The following CCDC171 variants were observed in gnomAD, a reference collection of about 807,000 sequenced individuals.
CCDC171 encodes the protein coiled-coil domain containing 171.
In CCDC171, 177 loss-of-function variants were observed where a neutral mutation model predicts 168.2. The observed-to-expected ratio is 1.05, with a 90% confidence interval of 0.93 to 1.19. CCDC171 has a LOEUF of 1.19. CCDC171 is among the 50% of genes most tolerant of loss of function. CCDC171 has a pLI of 0.00. For synonymous variants in CCDC171, 687 were observed against 540.8 expected (o/e 1.27, Z -3.75); for missense variants, 1,991 against 1,539.0 (o/e 1.29, Z -4.91).
intron 8 of CCDC171, among the ~76,000 whole-genome samples, chr9:15,661,405 C>G (rs2048315052): frequency 6.6e-6 from 1 of 151,760 alleles, no homozygotes; most frequent in South Asian, 2.1e-4. Context: ...TGATACATCC[C>G]TGGGAATATA....
chr9:15,691,983 C>T (rs1224521019), intron 10 of CCDC171, among the ~76,000 whole-genome samples: 1 of 152,158 alleles, frequency 6.6e-6, no homozygotes, highest in Non-Finnish European at 1.5e-5. Context: ...CTTTCACTGA[C>T]CTGTGAGTCT....
chr9:16,039,776 A>G (rs1213680960), upstream of CCDC171, among the ~76,000 whole-genome samples: 1 of 152,134 alleles, frequency 6.6e-6, no homozygotes, highest in Non-Finnish European at 1.5e-5. Flanking sequence ...ACTCAGTCAC[A>G]TGGCCCCCCT....
chr9:16,078,802 T>A, the CCDC171 span, among the ~76,000 whole-genome samples: 11 of 152,248 alleles, frequency 7.2e-5, no homozygotes, highest in Middle Eastern at 3.4e-3. Context: ...AAGGGTAAGA[T>A]GAGATGAAGG....
chr9:15,873,812 A>T (rs1253489218), intron 23 of CCDC171, among the ~76,000 whole-genome samples: 1 of 152,112 alleles, frequency 6.6e-6, no homozygotes, highest in Non-Finnish European at 1.5e-5. Flanking sequence ...TGACTAGAGA[A>T]TTGGTGTTTT....
chr9:16,057,830 G>T (rs189214159), intron 1 of CCDC171, among the ~76,000 whole-genome samples: 1 of 152,150 alleles, frequency 6.6e-6, no homozygotes, highest in Non-Finnish European at 1.5e-5. Flanking sequence ...CAGTGGACAC[G>T]GCATCAGAGA....
At chr9:16,007,352 G>A (rs971069808) in intron 3 of CCDC171, among the ~76,000 whole-genome samples, 1 of 152,038 alleles carries the variant, frequency 6.6e-6, no homozygotes, top group Non-Finnish European at 1.5e-5. Context: ...AGATGAGTAG[G>A]TTGCAAAAGT....
At chr9:15,588,924 A>G (rs1400759832) in intron 4 of CCDC171, among the ~76,000 whole-genome samples, 1 of 151,554 alleles carries the variant, frequency 6.6e-6, no homozygotes, top group Non-Finnish European at 1.5e-5. Flanking sequence ...GTTAGCCAGG[A>G]TGGTCTCGAT....
chr9:15,633,501 A>G (rs1393267808), intron 7 of CCDC171, among the ~76,000 whole-genome samples: 3 of 152,176 alleles, frequency 2.0e-5, no homozygotes, highest in Admixed American at 6.5e-5. Flanking sequence ...TTAGAATGGC[A>G]ATCATTAAAA....
intron 2 of CCDC171, among the ~76,000 whole-genome samples, chr9:15,567,462 A>G (rs959543397): frequency 3.3e-5 from 5 of 152,080 alleles, no homozygotes; most frequent in Non-Finnish European, 7.4e-5. Flanking sequence ...TCAGCTTTTC[A>G]GTTTCTGCAA....
At chr9:15,719,397 TG>T (rs1386065975) in intron 11 of CCDC171, among the ~76,000 whole-genome samples, 38 of 10,046 alleles carry the variant, frequency 3.8e-3, no homozygotes, top group African/African-American at 0.014. Flanking sequence ...GGCGGGGGGG[TG>T]GGGGGCGGGG....
intron 25 of CCDC171, among the ~76,000 whole-genome samples, chr9:15,936,113 A>T (rs529336254): frequency 6.6e-6 from 1 of 152,086 alleles, no homozygotes; most frequent in Non-Finnish European, 1.5e-5. Flanking sequence ...TAGAAGCACA[A>T]GACTAGTGTT....
At chr9:15,648,260 A>C (rs1277091289) in intron 7 of CCDC171, among the ~76,000 whole-genome samples, 1 of 152,188 alleles carries the variant, frequency 6.6e-6, no homozygotes, top group Admixed American at 6.5e-5. Context: ...AAATAATAAG[A>C]GCTATCTGTG....
intron 23 of CCDC171, among the ~76,000 whole-genome samples, chr9:15,868,328 C>T (rs1231293887): frequency 6.6e-6 from 1 of 152,040 alleles, no homozygotes; most frequent in Non-Finnish European, 1.5e-5. Flanking sequence ...GTCAAGGTCT[C>T]TTTCCAGTAG....
chr9:16,062,823 G>A (rs1833949753), downstream of CCDC171, among the ~76,000 whole-genome samples: 1 of 152,164 alleles, frequency 6.6e-6, no homozygotes, highest in Non-Finnish European at 1.5e-5. Flanking sequence ...CGAATTAATT[G>A]TACTTGGAGA....
chr9:16,102,356 G>A, the CCDC171 span, among the ~76,000 whole-genome samples: 1 of 152,060 alleles, frequency 6.6e-6, no homozygotes, highest in Non-Finnish European at 1.5e-5. Flanking sequence ...GGATTGCGGG[G>A]GATGAGCTTG....
At chr9:15,983,229 CT>C (rs1831862049) in intron 3 of CCDC171, among the ~76,000 whole-genome samples, 2 of 152,076 alleles carry the variant, frequency 1.3e-5, no homozygotes, top group Admixed American at 6.6e-5. Flanking sequence ...CCTGCTTAAT[CT>C]TTTTCCCCAG....
intron 7 of CCDC171, among the ~76,000 whole-genome samples, chr9:15,632,757 C>T (rs555730682): frequency 5.9e-5 from 9 of 152,300 alleles, no homozygotes; most frequent in Non-Finnish European, 1.2e-4. Context: ...CATCATGCTA[C>T]CTGACTTCAA....
chr9:16,055,779 C>T (rs1464960634), intron 1 of CCDC171, among the ~76,000 whole-genome samples: 1 of 152,200 alleles, frequency 6.6e-6, no homozygotes, highest in Non-Finnish European at 1.5e-5. Context: ...GAGGAAGCCA[C>T]CAATGGTTCA....
chr9:15,875,864 G>A (rs1303743868), intron 24 of CCDC171: 5 of 151,882 alleles, frequency 3.3e-5, no homozygotes, highest in Admixed American at 1.3e-4. Context: ...TTTCTTCTCT[G>A]TTATAGGGTA....
Sources: allele counts gnomAD v4.1 joint callset (sites outside exome capture counted in the v4.1 genomes callset), GRCh38; gene constraint gnomAD v4.1.1; transcripts MANE v1.5; gene names NCBI Gene and HGNC (gene_info 2026-07-23, HGNC 2026-07-21).